CHST11: variants seen among roughly 807,000 people sequenced by gnomAD.
CHST11 encodes C4S-1.
A neutral mutation model predicts 30.4 loss-of-function variants in CHST11; 9 were observed. The ratio of observed to expected loss-of-function variants is 0.30; its 90% CI spans 0.18 to 0.52. The LOEUF is 0.52. CHST11 is among the 20% of genes least tolerant of loss of function. CHST11 has a pLI of 0.97. For missense variants in CHST11, 348 were observed against 460.6 expected, an observed-to-expected ratio of 0.76 and a Z score of 2.24; for synonymous variants, 152 against 187.8, an observed-to-expected ratio of 0.81 and a Z score of 1.56.
chr12:104,662,906 T>C (rs2039610039), intron 2 of CHST11, among the ~76,000 whole-genome samples: 1 of 152,240 alleles, frequency 6.6e-6, no homozygotes, highest in South Asian at 2.1e-4. Flanking sequence ...AATTGATAAA[T>C]GATTTAGTTG....
intron 2 of CHST11, among the ~76,000 whole-genome samples, chr12:104,645,539 T>C (rs2136078082): frequency 6.6e-6 from 1 of 152,258 alleles, no homozygotes. Flanking sequence ...GCAGTTGTCT[T>C]TATTTTGGCC....
intron 2 of CHST11, among the ~76,000 whole-genome samples, chr12:104,730,757 G>A (rs1313527913): frequency 6.6e-6 from 1 of 152,206 alleles, no homozygotes; most frequent in Non-Finnish European, 1.5e-5. Context: ...GGGGAGAGGA[G>A]TGGCTTCTGC....
intron 2 of CHST11, among the ~76,000 whole-genome samples, chr12:104,623,223 G>T (rs1190233377): frequency 1.3e-5 from 2 of 152,152 alleles, no homozygotes; most frequent in Non-Finnish European, 2.9e-5. Context: ...ACACTGCAAG[G>T]GTGTTCTTGA....
intron 1 of CHST11, among the ~76,000 whole-genome samples, chr12:104,542,762 A>G (rs17035786): frequency 0.038 from 5,848 of 152,286 alleles, 391 homozygotes; most frequent in African/African-American, 0.13. Flanking sequence ...TTTTCATACC[A>G]TGTGGCTTCG....
rs111960833 is a variant in CHST11 at position 104,736,972 on chromosome 12, G to T, written c.205-19977G>T. The stretch of plus-strand genomic sequence containing the variant: ...GCTTAAGAAGGCCAAACCTCACCCT[G>T]TGACTTACACAACTGAGACCAGGAG... On this transcript the variant is annotated intron_variant, in intron 2 of 2. Transcript: ENST00000303694. Among the ~76,000 whole-genome samples, 46 of 152,332 alleles carry T rather than the reference G, an allele frequency of 3.0e-4. 1 individual carries two copies. The highest frequency in any genetic ancestry group is 1.9e-3 in the South Asian group (9 of 4,828).
At chr12:104,642,915 C>T (rs2039391480) in intron 2 of CHST11, among the ~76,000 whole-genome samples, 1 of 151,834 alleles carries the variant, frequency 6.6e-6, no homozygotes, top group Non-Finnish European at 1.5e-5. Context: ...TGCTTAAATA[C>T]TAAGGTTTAT....
intron 1 of CHST11, among the ~76,000 whole-genome samples, chr12:104,588,260 CT>C (rs1160700851): frequency 6.6e-6 from 1 of 152,212 alleles, no homozygotes; most frequent in Non-Finnish European, 1.5e-5. Context: ...ATCCCCACCC[CT>C]GGCCTTAGGC....
chr12:104,615,086 C>T (rs937715839), intron 2 of CHST11, among the ~76,000 whole-genome samples: 4 of 152,152 alleles, frequency 2.6e-5, no homozygotes, highest in South Asian at 2.1e-4. Flanking sequence ...TTGGGCCTGC[C>T]GCAGGCCATA....
rs1010860183 is a variant in CHST11, at chr12:104,667,735, T to C, written c.204+65744T>C. 5.9e-5 allele frequency among the ~76,000 whole-genome samples: 9 copies of C among 152,332 alleles called. No individual in the cohort carries two copies. The South Asian group carries it at 1.9e-3, about 32-fold the overall frequency. The stretch of plus-strand genomic sequence containing the variant: ...AGCAAGTCATGGACCTACCTCAGGC[T>C]GGTTGTGAGGATGGAATGAGATGCT... On this transcript the variant is annotated intron_variant, in intron 2 of 2. Coordinates refer to ENST00000303694, the MANE Select transcript of CHST11 (RefSeq NM_018413.6).
intron 2 of CHST11, among the ~76,000 whole-genome samples, chr12:104,652,645 A>G (rs1472653629): frequency 6.6e-6 from 1 of 152,218 alleles, no homozygotes; most frequent in Non-Finnish European, 1.5e-5. Context: ...AAGGCCCAAG[A>G]CAGAGGAAGT....
At chr12:104,709,657 A>T (rs2040068389) in intron 2 of CHST11, among the ~76,000 whole-genome samples, 1 of 152,176 alleles carries the variant, frequency 6.6e-6, no homozygotes, top group Non-Finnish European at 1.5e-5. Context: ...TCTTTCATTA[A>T]GAAGCCCGTC....
At chr12:104,488,508 T>A (rs1383599164) in intron 1 of CHST11, among the ~76,000 whole-genome samples, 1 of 151,776 alleles carries the variant, frequency 6.6e-6, no homozygotes, top group African/African-American at 2.4e-5. Context: ...TGTCCGTGTA[T>A]ATGTGTGTGT....
intron 2 of CHST11, among the ~76,000 whole-genome samples, chr12:104,647,793 T>C (rs1217079158): frequency 6.6e-6 from 1 of 152,048 alleles, no homozygotes; most frequent in Non-Finnish European, 1.5e-5. Flanking sequence ...GGGTCTGTGG[T>C]TTGGGCTGTA....
chr12:104,481,333 T>C (rs2037620724), intron 1 of CHST11, among the ~76,000 whole-genome samples: 1 of 152,232 alleles, frequency 6.6e-6, no homozygotes, highest in Non-Finnish European at 1.5e-5. Context: ...TGCCGTTCCC[T>C]GTGCTTGGCG....
At chr12:104,496,723 C>G (rs2037801186) in intron 1 of CHST11, among the ~76,000 whole-genome samples, 1 of 152,028 alleles carries the variant, frequency 6.6e-6, no homozygotes, top group African/African-American at 2.4e-5. Flanking sequence ...TAGACTAATC[C>G]TCAAAACTTT....
intron 1 of CHST11, among the ~76,000 whole-genome samples, chr12:104,574,913 C>T (rs904880995): frequency 1.3e-5 from 2 of 151,714 alleles, no homozygotes; most frequent in Non-Finnish European, 2.9e-5. Context: ...CTGTAGAGGC[C>T]GGGCGTGGTG....
intron 2 of CHST11, among the ~76,000 whole-genome samples, chr12:104,730,307 C>T (rs1257357806): frequency 3.3e-5 from 5 of 152,238 alleles, no homozygotes. Flanking sequence ...AAGAGTGACT[C>T]TTGCCACAGA....
intron 1 of CHST11, among the ~76,000 whole-genome samples, chr12:104,488,738 C>CGT (rs1491545682): frequency 1.5e-4 from 10 of 68,014 alleles, no homozygotes; most frequent in South Asian, 5.5e-4. Context: ...TGTATGTGTA[C>CGT]GCGTGTGTGT....
chr12:104,666,047 C>T (rs886923919), intron 2 of CHST11, among the ~76,000 whole-genome samples: 9 of 151,606 alleles, frequency 5.9e-5, no homozygotes, highest in Non-Finnish European at 8.8e-5. Context: ...CTTGATCTCC[C>T]GACCTCATGA....
Sources: gnomAD v4.1 joint callset for allele counts (sites outside exome capture counted in the v4.1 genomes callset) on GRCh38, gnomAD v4.1.1 for gene constraint, MANE v1.5 for transcripts, NCBI Gene and HGNC (gene_info 2026-07-23, HGNC 2026-07-21) for gene names.